SLC26A7: variants seen among roughly 807,000 people sequenced by gnomAD.
SLC26A7 encodes anion exchange transporter.
SLC26A7 carries 59 observed loss-of-function variants against 82.5 expected under a neutral mutation model. The ratio of observed to expected loss-of-function variants is 0.72; its 90% CI spans 0.58 to 0.89. SLC26A7 has a LOEUF of 0.89. Among genes scored for constraint, SLC26A7 ranks in the 40% least tolerant of loss-of-function variants. The pLI, the probability that SLC26A7 is intolerant of heterozygous loss-of-function variation, is 0.00. For synonymous variants in SLC26A7, 271 were observed against 274.3 expected (o/e 0.99, Z 0.12); for missense variants, 820 against 793.0 (o/e 1.03, Z -0.41).
intron 4 of SLC26A7, among the ~76,000 whole-genome samples, 162 bp downstream of exon 4, chr8:91,295,865 A>G (rs1445682159): frequency 2.0e-5 from 3 of 152,204 alleles, no homozygotes; most frequent in African/African-American, 4.8e-5. Flanking sequence ...TCATTACTCT[A>G]TAAATGCTGG....
intron 2 of SLC26A7, among the ~76,000 whole-genome samples, chr8:91,234,683 A>G (rs1051251749): frequency 3.0e-4 from 45 of 152,182 alleles, no homozygotes; most frequent in African/African-American, 1.0e-3. Context: ...AAATGGGAAA[A>G]TTGAAAATAA....
At chr8:91,327,502 T>G (rs2130821043) in intron 5 of SLC26A7, among the ~76,000 whole-genome samples, 1 of 152,280 alleles carries the variant, frequency 6.6e-6, no homozygotes, top group East Asian at 1.9e-4. Context: ...AGTCCATATT[T>G]TTAGACACCT....
chr8:91,278,828 A>G (rs13275473), intron 2 of SLC26A7, among the ~76,000 whole-genome samples: 33,748 of 151,848 alleles, frequency 0.22, 5,137 homozygotes, highest in African/African-American at 0.43. Flanking sequence ...TCATCATAGT[A>G]TACAATAGGT....
intron 3 of SLC26A7, among the ~76,000 whole-genome samples, chr8:91,291,071 AT>A (rs1277689597): frequency 1.1e-4 from 16 of 152,132 alleles, no homozygotes; most frequent in Admixed American, 6.6e-5. Context: ...ATGTTTATGC[AT>A]ATTTGTGTAC....
intron 2 of SLC26A7, among the ~76,000 whole-genome samples, chr8:91,252,077 AAG>A (rs1476309236): frequency 2.6e-5 from 4 of 152,152 alleles, no homozygotes; most frequent in African/African-American, 9.6e-5. Flanking sequence ...AATTAGAAGA[AAG>A]AGGGATAATT....
chr8:91,210,555 A>C (rs1809891779), intron 1 of SLC26A7, among the ~76,000 whole-genome samples: 1 of 99,690 alleles, frequency 1.0e-5, no homozygotes, highest in Non-Finnish European at 2.2e-5. Flanking sequence ...AGACACACAC[A>C]CACACAGACA....
At chr8:91,310,735 G>T (rs994219466) in intron 4 of SLC26A7, among the ~76,000 whole-genome samples, 1 of 152,062 alleles carries the variant, frequency 6.6e-6, no homozygotes, top group African/African-American at 2.4e-5. Flanking sequence ...CACCGCACAT[G>T]CTCCCCTCCC....
At chr8:91,302,452 C>G (rs1375683284) in intron 4 of SLC26A7, among the ~76,000 whole-genome samples, 1 of 152,022 alleles carries the variant, frequency 6.6e-6, no homozygotes, top group African/African-American at 2.4e-5. Context: ...TCTCTGTTAC[C>G]ATTTGATTTA....
At chr8:91,372,184 G>A (rs928292623) in intron 15 of SLC26A7, among the ~76,000 whole-genome samples, 1 of 151,916 alleles carries the variant, frequency 6.6e-6, no homozygotes, top group African/African-American at 2.4e-5. Flanking sequence ...TCTCTAGGTT[G>A]TCTGTTTAAT....
At chr8:91,240,981 C>T (rs1810465353) in intron 2 of SLC26A7, among the ~76,000 whole-genome samples, 1 of 152,080 alleles carries the variant, frequency 6.6e-6, no homozygotes, top group Non-Finnish European at 1.5e-5. Context: ...GAAAAAAATA[C>T]TGTCCAATAA....
At chr8:91,301,689 C>G (rs549440951) in intron 4 of SLC26A7, among the ~76,000 whole-genome samples, 32 of 151,502 alleles carry the variant, frequency 2.1e-4, no homozygotes, top group Non-Finnish European at 3.7e-4. Context: ...CTACTTTTTT[C>G]CTATTTCTAT....
At chr8:91,286,639 G>C (rs1811719210) in intron 2 of SLC26A7, among the ~76,000 whole-genome samples, 2 of 152,170 alleles carry the variant, frequency 1.3e-5, no homozygotes, top group South Asian at 4.1e-4. Context: ...AGTAGCATTA[G>C]AGAGTGGTAA....
intron 5 of SLC26A7, among the ~76,000 whole-genome samples, chr8:91,329,234 A>ACGTGTG (rs71563461): frequency 6.6e-6 from 1 of 151,848 alleles, no homozygotes; most frequent in African/African-American, 2.4e-5. Context: ...ATATGTAAAT[A>ACGTGTG]TGTGTGTGTG....
chr8:91,239,389 A>ATATATATAT lies in SLC26A7; in HGVS notation c.-33-10230_-33-10229insTATATATAT, dbSNP rs1264821995. On this transcript the variant is annotated intron_variant, in intron 2 of 5. Coordinates refer to the SLC26A7 transcript ENST00000522862. ...AGACTCCGTCTCAAAAAAAAAAAAA[A>ATATATATAT]AAAAAAATATATATATATATATGTA... 4.0e-3 allele frequency among the ~76,000 whole-genome samples: 422 copies of ATATATATAT among 105,560 alleles called. 1 individual carries two copies. Among genetic ancestry groups the ATATATATAT allele is most frequent in the African/African-American group, 0.013 (400 of 30,012 alleles). The allele number at this position is 105,560 out of a possible 152,430, so 69.3% of individuals were successfully genotyped here.
At chr8:91,278,728 C>T (rs531281466) in intron 2 of SLC26A7, among the ~76,000 whole-genome samples, 2 of 152,146 alleles carry the variant, frequency 1.3e-5, no homozygotes, top group East Asian at 3.9e-4. Flanking sequence ...TTAACATACG[C>T]ATTACCTCAC....
chr8:91,325,141 A>G (rs924987260), intron 5 of SLC26A7, among the ~76,000 whole-genome samples: 19 of 152,178 alleles, frequency 1.2e-4, no homozygotes, highest in Non-Finnish European at 2.6e-4. Flanking sequence ...TGCCAGCTCC[A>G]TTGTTCAATT....
intron 2 of SLC26A7, among the ~76,000 whole-genome samples, chr8:91,223,264 A>AT (rs921175411): frequency 3.3e-5 from 5 of 150,370 alleles, no homozygotes; most frequent in African/African-American, 9.8e-5. Context: ...TGTTTTTTTA[A>AT]TTTTTTCAAA....
chr8:91,209,952 T>A (rs1809877441), intron 1 of SLC26A7, among the ~76,000 whole-genome samples: 1 of 152,200 alleles, frequency 6.6e-6, no homozygotes, highest in East Asian at 1.9e-4. Flanking sequence ...TGCTAAGCTC[T>A]CTGGATCCAA....
chr8:91,370,588 G>A (rs1814330276), intron 15 of SLC26A7, among the ~76,000 whole-genome samples: 1 of 152,016 alleles, frequency 6.6e-6, no homozygotes, highest in South Asian at 2.1e-4. Flanking sequence ...GCGGATGCTT[G>A]TTAAATTACC....
Sources: gnomAD v4.1 joint callset for allele counts (sites outside exome capture counted in the v4.1 genomes callset) on GRCh38, gnomAD v4.1.1 for gene constraint, MANE v1.5 for transcripts, NCBI Gene and HGNC (gene_info 2026-07-23, HGNC 2026-07-21) for gene names.